Variants in SPOCK3 observed in about 807,000 individuals in gnomAD.
The protein encoded by SPOCK3 is SPARC (osteonectin), cwcv and kazal like domains proteoglycan 3, also known as testican-3.
SPOCK3 carries 30 observed loss-of-function variants against 56.6 expected under a neutral mutation model. The observed-to-expected ratio is 0.53, with a 90% confidence interval of 0.40 to 0.72. The LOEUF is 0.72. Ranked by LOEUF, SPOCK3 falls within the 30% of genes least tolerant of loss-of-function variation. The probability of loss-of-function intolerance (pLI) is 0.00; values close to 1 mark genes in which losing one functional copy is unlikely to be tolerated. For missense variants in SPOCK3, 527 were observed against 530.0 expected, an observed-to-expected ratio of 0.99 and a Z score of 0.06; for synonymous variants, 196 against 183.3, an observed-to-expected ratio of 1.07 and a Z score of -0.56.
intron 2 of SPOCK3, among the ~76,000 whole-genome samples, chr4:167,228,699 T>C (rs1736836007): frequency 1.3e-5 from 2 of 152,132 alleles, no homozygotes; most frequent in South Asian, 4.1e-4. Context: ...AGGATCCTGA[T>C]GACAAAAACA....
chr4:166,916,745 C>T (rs1286761525), intron 4 of SPOCK3, among the ~76,000 whole-genome samples: 1 of 152,138 alleles, frequency 6.6e-6, no homozygotes, highest in Non-Finnish European at 1.5e-5. Context: ...AGCCACCTCC[C>T]TCGGTCTTAA....
chr4:167,229,619 T>TA (rs1237606511), intron 2 of SPOCK3, among the ~76,000 whole-genome samples: 1 of 151,872 alleles, frequency 6.6e-6, no homozygotes, highest in African/African-American at 2.4e-5. Flanking sequence ...AAAAGGCAAA[T>TA]AAAAAGAAAA....
chr4:166,989,679 C>T (rs1747558417), intron 4 of SPOCK3, among the ~76,000 whole-genome samples: 1 of 152,110 alleles, frequency 6.6e-6, no homozygotes, highest in African/African-American at 2.4e-5. Flanking sequence ...TTACTAAGAT[C>T]CCATCACACG....
chr4:167,062,790 C>G, intron 2 of SPOCK3: 1 of 473,654 alleles, frequency 2.1e-6, no homozygotes, highest in African/African-American at 2.0e-5. Flanking sequence ...ATTTTCATTG[C>G]AAGTCAATGG....
chr4:167,112,288 G>A (rs927827403), intron 2 of SPOCK3, among the ~76,000 whole-genome samples: 6 of 152,212 alleles, frequency 3.9e-5, no homozygotes, highest in African/African-American at 1.2e-4. Context: ...ATAGAGCAAA[G>A]TGTTCTAAAA....
At chr4:166,878,575 TGTA>T (rs1451992064) in intron 6 of SPOCK3, among the ~76,000 whole-genome samples, 1 of 152,108 alleles carries the variant, frequency 6.6e-6, no homozygotes, top group African/African-American at 2.4e-5. Context: ...ACTCATAGCT[TGTA>T]GTAAGTTCAT....
Position 166,952,908 on chromosome 4 carries a change from C to G in SPOCK3, c.351-40165G>C, listed in dbSNP as rs969206234. Among the ~76,000 whole-genome samples the G allele has an allele frequency of 2.0e-5, 3 of 151,248 alleles. No individual in the cohort carries two copies. The East Asian group carries it at 5.8e-4, about 29-fold the overall frequency. ...GTAGAAGGCTGAAACTGGATCCCTT[C>G]CTTACACCTTATACAAAAATCAATT... On this transcript the variant is annotated intron_variant, in intron 4 of 10. Coordinates refer to ENST00000357545, the MANE Select transcript of SPOCK3 (RefSeq NM_001040159.2).
chr4:167,076,356 G>A (rs1757184952), intron 2 of SPOCK3, among the ~76,000 whole-genome samples: 2 of 151,814 alleles, frequency 1.3e-5, no homozygotes, highest in Non-Finnish European at 2.9e-5. Flanking sequence ...GATCACTCTG[G>A]TAGGGATGTT....
At chr4:167,141,103 C>T (rs1386455279) in intron 2 of SPOCK3, among the ~76,000 whole-genome samples, 2 of 151,960 alleles carry the variant, frequency 1.3e-5, no homozygotes, top group Non-Finnish European at 2.9e-5. Flanking sequence ...ACAGTTTTAG[C>T]TCCTTGCTTA....
At chr4:166,915,397 C>T (rs911490799) in intron 4 of SPOCK3, among the ~76,000 whole-genome samples, 4 of 152,070 alleles carry the variant, frequency 2.6e-5, no homozygotes, top group Non-Finnish European at 5.9e-5. Flanking sequence ...AATTAGTGTT[C>T]TTCTTAGTCA....
At chr4:166,887,739 C>T (rs1260874670) in intron 6 of SPOCK3, among the ~76,000 whole-genome samples, 1 of 151,750 alleles carries the variant, frequency 6.6e-6, no homozygotes, top group Non-Finnish European at 1.5e-5. Context: ...AACAGGGCTC[C>T]TGGGCAACAT....
chr4:166,976,882 A>G (rs1282732775), intron 4 of SPOCK3, among the ~76,000 whole-genome samples: 2 of 151,692 alleles, frequency 1.3e-5, no homozygotes, highest in Non-Finnish European at 2.9e-5. Flanking sequence ...TATTATATAT[A>G]TATAATCAAA....
intron 6 of SPOCK3, among the ~76,000 whole-genome samples, chr4:166,887,860 G>GAA (rs71604450): frequency 0.089 from 12,446 of 139,976 alleles, 579 homozygotes; most frequent in Non-Finnish European, 0.1. Flanking sequence ...ATAACTTATG[G>GAA]AAAAAAAAAA....
chr4:167,114,851 C>T (rs773478347), intron 2 of SPOCK3, among the ~76,000 whole-genome samples: 15 of 151,788 alleles, frequency 9.9e-5, no homozygotes, highest in African/African-American at 3.6e-4. Context: ...TTCAGAGTTG[C>T]TACAGTGTTC....
In SPOCK3 at chr4:167,109,574, T is replaced by C. The variant is rs1233571372; in HGVS notation, c.190-47037A>G. Among the ~76,000 whole-genome samples, 7 of 136,058 alleles carry C rather than the reference T, an allele frequency of 5.1e-5. No individual in the cohort carries two copies. In the South Asian group the frequency reaches 8.6e-4, roughly 17 times the overall value. 89.3% of individuals were successfully genotyped at this position (136,058 alleles called of 152,430 possible). ...TGTATATAAATATGTTACAAATATATATATTTATTATATATATATATAGTA... is the reference window on the plus strand; with the variant it reads ...TGTATATAAATATGTTACAAATATACATATTTATTATATATATATATAGTA... On this transcript the variant is annotated intron_variant, in intron 2 of 10. Coordinates refer to ENST00000357545, the MANE Select transcript of SPOCK3 (RefSeq NM_001040159.2).
At chr4:167,042,077 T>C (rs1463763925) in intron 3 of SPOCK3, among the ~76,000 whole-genome samples, 14 of 152,130 alleles carry the variant, frequency 9.2e-5, no homozygotes. Context: ...ATTAGATATA[T>C]CAAGTGTAGC....
chr4:166,762,652 A>G (rs1737401716), intron 7 of SPOCK3, among the ~76,000 whole-genome samples: 1 of 152,126 alleles, frequency 6.6e-6, no homozygotes, highest in Admixed American at 6.6e-5. Flanking sequence ...TGAGCAGAAT[A>G]CCAGGAGCTA....
At chr4:166,921,024 C>T (rs1324860434) in intron 4 of SPOCK3, among the ~76,000 whole-genome samples, 1 of 152,096 alleles carries the variant, frequency 6.6e-6, no homozygotes, top group Non-Finnish European at 1.5e-5. Context: ...TGCCTTTCTC[C>T]TAGCTTACTG....
At chr4:166,942,177 G>A (rs954052424) in intron 4 of SPOCK3, among the ~76,000 whole-genome samples, 3 of 151,854 alleles carry the variant, frequency 2.0e-5, no homozygotes, top group Non-Finnish European at 4.4e-5. Flanking sequence ...TTGAGTATAG[G>A]TCACTCGGTG....
Sources: gnomAD v4.1 joint callset for allele counts (sites outside exome capture counted in the v4.1 genomes callset) on GRCh38, gnomAD v4.1.1 for gene constraint, MANE v1.5 for transcripts, NCBI Gene and HGNC (gene_info 2026-07-23, HGNC 2026-07-21) for gene names.